CYP2W1: variants seen among roughly 807,000 people sequenced by gnomAD.
The protein encoded by CYP2W1 is cytochrome P450 2W1.
A neutral mutation model predicts 44.9 loss-of-function variants in CYP2W1; 51 were observed. The ratio of observed to expected loss-of-function variants is 1.14; its 90% CI spans 0.91 to 1.43. CYP2W1 has a LOEUF of 1.43. CYP2W1 is among the 40% of genes most tolerant of loss of function. The probability of loss-of-function intolerance (pLI) is 0.00; values close to 1 mark genes in which losing one functional copy is unlikely to be tolerated. For synonymous variants in CYP2W1, 383 were observed against 338.3 expected (o/e 1.13, Z -1.45); for missense variants, 746 against 700.0 (o/e 1.07, Z -0.74).
chr7:987,161 G>A lies in CYP2W1; in HGVS notation c.874G>A (p.Asp292Asn), dbSNP rs1375271589. ...GGCCAACGCGGTGGCCTGCACCCTGGACATGGTCATGGCCGGGACGGAGAC... is the reference window on the plus strand; with the variant it reads ...GGCCAACGCGGTGGCCTGCACCCTGAACATGGTCATGGCCGGGACGGAGAC... The part of the protein sequence containing the change: ...AEANAVACTL[D>N]MVMAGTETTS... Residue 292 changes from aspartate to asparagine, a missense_variant, in exon 6 of 9, where the codon GAC becomes AAC. Transcript: ENST00000308919. 6.3e-6 allele frequency: 10 copies of A among 1,576,396 alleles called. No homozygotes were observed. Among genetic ancestry groups the A allele is most frequent in the Admixed American group, 1.8e-5 (1 of 56,034 alleles).
chr7:987,534 G>T lies in CYP2W1; in HGVS notation c.1143+3G>T. The T allele has an allele frequency of 6.6e-7, 1 of 1,516,752 alleles. No individual in the cohort carries two copies. Among genetic ancestry groups the T allele is most frequent in the Admixed American group, 2.0e-5 (1 of 50,512 alleles). The allele number at this position is 1,516,752 out of a possible 1,614,324, so 94.0% of individuals were successfully genotyped here. A position where few individuals can be genotyped will look rare whatever the true frequency, so the allele number is the denominator to read the frequency against. ...TGGGCGGCTTCCTGCTCCCCAAGGTGGGGCTGGGCCTCCCTTGCCCCTTCC... is the reference window on the plus strand; with the variant it reads ...TGGGCGGCTTCCTGCTCCCCAAGGTTGGGCTGGGCCTCCCTTGCCCCTTCC... On this transcript the variant is annotated splice_donor_region_variant and intron_variant, in intron 7 of 8. Coordinates refer to ENST00000308919, the MANE Select transcript of CYP2W1 (RefSeq NM_017781.3).
At position 983,291 on chromosome 7, in the gene CYP2W1, C is replaced by A; in HGVS notation, c.80C>A (p.Pro27Gln). ...LLCACAQDPS[P>Q]AARWPPGPRP... ...TGCGCCTGCGCCCAAGACCCCTCCC[C>A]AGCTGCCCGGTGGCCCCCGGGGCCT... Residue 27 changes from proline to glutamine, a missense_variant, in exon 1 of 9, where the codon CCA (proline) becomes CAA (glutamine). By Grantham distance (76) the Pro-to-Gln change is moderately conservative. Coordinates refer to ENST00000308919, the MANE Select transcript of CYP2W1 (RefSeq NM_017781.3). 2 of 1,543,702 alleles carry A rather than the reference C, an allele frequency of 1.3e-6. No individual in the cohort carries two copies. The highest frequency in any genetic ancestry group is 2.5e-5 in the East Asian group (1 of 40,798).
rs948201108 is a variant in CYP2W1, at chr7:986,419, C to A, written c.646-205C>A. The A allele has an allele frequency of 1.6e-5, 10 of 616,054 alleles. No individual in the cohort carries two copies. In the Admixed American group the frequency reaches 3.1e-4, roughly 19 times the overall value. 38.2% of individuals were successfully genotyped at this position (616,054 alleles called of 1,614,324 possible). A position where few individuals can be genotyped will look rare whatever the true frequency, so the allele number is the denominator to read the frequency against. On this transcript the variant is annotated intron_variant, in intron 4 of 8. Transcript: ENST00000308919. ...CTGCTGTGCAAACCTGCCTGGCTGT[C>A]CCCTTCCGGGACACGGACAGGGGGT...
intron 1 of CYP2W1, among the ~76,000 whole-genome samples, chr7:984,184 C>G (rs899074114): frequency 6.6e-6 from 1 of 152,228 alleles, no homozygotes; most frequent in Admixed American, 6.5e-5. Context: ...GAAAATCCCA[C>G]AACAGCCATG....
Position 987,240 on chromosome 7 carries a change from T to G in CYP2W1, c.953T>G (p.Val318Gly), listed in dbSNP as rs763609907. 2.0e-6 allele frequency: 3 copies of G among 1,527,326 alleles called. No homozygotes were observed. The highest frequency in any genetic ancestry group is 2.5e-5 in the East Asian group (1 of 40,586). The allele number at this position is 1,527,326 out of a possible 1,614,324, so 94.6% of individuals were successfully genotyped here. A position where few individuals can be genotyped will look rare whatever the true frequency, so the allele number is the denominator to read the frequency against. The change falls in exon 6 of 9, where the codon GTG becomes GGG. Residue 318 changes from valine (V) to glycine (G), a missense_variant. Val to Gly is a moderately radical substitution (Grantham distance 109). Coordinates refer to ENST00000308919, the MANE Select transcript of CYP2W1 (RefSeq NM_017781.3). The stretch of plus-strand genomic sequence containing the variant: ...CTTCTGATGGGCCGGCACCCGGACG[T>G]GCAGGGTGAGACCCCGGCGCCTGGC... ...AALLMGRHPD[V>G]QGRVQEELDR...
chr7:986,708 C>A lies in CYP2W1; in HGVS notation c.730C>A (p.Leu244Met). The A allele has an allele frequency of 6.2e-7, 1 of 1,612,282 alleles. No individual in the cohort carries two copies. The highest frequency in any genetic ancestry group is 8.5e-7 in the Non-Finnish European group (1 of 1,179,702). ...CAAGATCGAGGAGGTCCGTGCCATTCTGAGGACCCTCCTGGAGGCGCGGAG... is the reference window on the plus strand; with the variant it reads ...CAAGATCGAGGAGGTCCGTGCCATTATGAGGACCCTCCTGGAGGCGCGGAG... ...LRKIEEVRAI[L>M]RTLLEARRPH... The change falls in exon 5 of 9, where the codon CTG becomes ATG. Residue 244 changes from leucine (L) to methionine (M), a missense_variant. Transcript: ENST00000308919.
chr7:987,142 C>A lies in CYP2W1; in HGVS notation c.855C>A (p.Asn285Lys). 6.4e-7 allele frequency: 1 copy of A among 1,573,384 alleles called. No individual in the cohort carries two copies. The highest frequency in any genetic ancestry group is 8.6e-7 in the Non-Finnish European group (1 of 1,158,714). ...CCGAGGGCCTGTTTGCTGAGGCCAA[C>A]GCGGTGGCCTGCACCCTGGACATGG... is the stretch of plus-strand genomic sequence containing the variant. Reference protein sequence around the residue: ...DDPEGLFAEANAVACTLDMVM... With the variant: ...DDPEGLFAEAKAVACTLDMVM... The change falls in exon 6 of 9, where the codon AAC becomes AAA. Residue 285 changes from asparagine (N) to lysine (K), a missense_variant. Transcript: ENST00000308919.
chr7:988,926 C>G lies in CYP2W1; in HGVS notation c.*104C>G. ...ACAGCTCGGACTGCTCTGGGAGGGC[C>G]CTGAGGACTCCCACCCTCACCCCCA... On this transcript the variant is annotated 3_prime_UTR_variant, in exon 9 of 9. Coordinates refer to ENST00000308919, the MANE Select transcript of CYP2W1 (RefSeq NM_017781.3). 1.4e-6 allele frequency: 1 copy of G among 714,870 alleles called. No homozygotes were observed. The highest frequency in any genetic ancestry group is 2.3e-6 in the Non-Finnish European group (1 of 440,982). The allele number at this position is 714,870 out of a possible 1,614,324, so 44.3% of individuals were successfully genotyped here.
chr7:984,952 ATC>A lies in CYP2W1; in HGVS notation c.342_343del (p.Phe115LeufsTer30). On this transcript the variant is annotated frameshift_variant, in exon 3 of 9. Coordinates refer to ENST00000308919, the MANE Select transcript of CYP2W1 (RefSeq NM_017781.3). LOFTEE classifies it high-confidence loss of function. The part of the protein sequence containing the change: ...IFQLIQRGGG[I>X]FFSSGARWRA... Reference sequence around the variant, plus strand: ...CCACGCACTGTATCTGCCTACAGGCATCTTCTTCTCATCTGGGGCGCGCTGGA... The same window carrying A: ...CCACGCACTGTATCTGCCTACAGGCATTCTTCTCATCTGGGGCGCGCTGGA... 6.3e-7 allele frequency: 1 copy of A among 1,598,292 alleles called. No individual in the cohort carries two copies. Among genetic ancestry groups the A allele is most frequent in the Non-Finnish European group, 8.5e-7 (1 of 1,176,532 alleles).
Position 989,291 on chromosome 7 carries a change from T to C in CYP2W1, c.*469T>C, listed in dbSNP as rs1021280171. The C allele has an allele frequency of 6.0e-6, 1 of 165,322 alleles. No individual in the cohort carries two copies. Among genetic ancestry groups the C allele is most frequent in the Non-Finnish European group, 1.3e-5 (1 of 76,678 alleles). 10.2% of individuals were successfully genotyped at this position (165,322 alleles called of 1,614,324 possible). A position where few individuals can be genotyped will look rare whatever the true frequency, so the allele number is the denominator to read the frequency against. ...CACTCCATTCCCGCTCCTGGAACAC[T>C]TCCTGCAGCTGTGCCTGGAGGCAGT... On this transcript the variant is annotated 3_prime_UTR_variant, in exon 9 of 9. Transcript: ENST00000308919.
rs565338989 is a variant in CYP2W1 at position 986,867 on chromosome 7, TGG to T, written c.819+73_819+74del. The T allele has an allele frequency of 2.2e-4, 321 of 1,427,684 alleles. 1 individual carries two copies. The highest frequency in any genetic ancestry group is 4.6e-4 in the South Asian group (31 of 67,874). The allele number at this position is 1,427,684 out of a possible 1,614,324, so 88.4% of individuals were successfully genotyped here. A position where few individuals can be genotyped will look rare whatever the true frequency, so the allele number is the denominator to read the frequency against. Reference sequence around the variant, plus strand: ...GAGGGACACCCCAGGGGAGCACGGCTGGGGAGGGGTCCATACCGGTCCTGCAC... The same window carrying T: ...GAGGGACACCCCAGGGGAGCACGGCTGGAGGGGTCCATACCGGTCCTGCAC... On this transcript the variant is annotated intron_variant, in intron 5 of 8. Coordinates refer to ENST00000308919, the MANE Select transcript of CYP2W1 (RefSeq NM_017781.3).
intron 4 of CYP2W1, 89 bp from the exon 5 acceptor site, chr7:986,535 G>T: frequency 6.7e-7 from 1 of 1,499,546 alleles, no homozygotes; most frequent in Non-Finnish European, 9.2e-7. Flanking sequence ...CCCTGGGCGT[G>T]AACACAGCCG....
Position 987,403 on chromosome 7 carries a change from G to A in CYP2W1, c.1015G>A (p.Glu339Lys), listed in dbSNP as rs1401888735. 2 of 1,594,924 alleles carry A rather than the reference G, an allele frequency of 1.3e-6. No homozygotes were observed. Among genetic ancestry groups the A allele is most frequent in the Non-Finnish European group, 8.5e-7 (1 of 1,177,952 alleles). Reference protein sequence around the residue: ...VLGPGRTPRLEDQQALPYTSA... With the variant: ...VLGPGRTPRLKDQQALPYTSA... ...GGGCCCTGGGCGGACTCCCCGGCTGGAGGACCAGCAGGCTCTGCCCTACAC... is the reference window on the plus strand; with the variant it reads ...GGGCCCTGGGCGGACTCCCCGGCTGAAGGACCAGCAGGCTCTGCCCTACAC... Residue 339 changes from glutamate to lysine, a missense_variant, in exon 7 of 9, where the codon GAG becomes AAG. Transcript: ENST00000308919.
chr7:987,212 G>T lies in CYP2W1; in HGVS notation c.925G>T (p.Ala309Ser). ...GACCTCGGCCACGCTGCAGTGGGCCGCACTTCTGATGGGCCGGCACCCGGA... is the reference window on the plus strand; with the variant it reads ...GACCTCGGCCACGCTGCAGTGGGCCTCACTTCTGATGGGCCGGCACCCGGA... Reference protein sequence around the residue: ...ETTSATLQWAALLMGRHPDVQ... With the variant: ...ETTSATLQWASLLMGRHPDVQ... Residue 309 changes from alanine to serine, a missense_variant, in exon 6 of 9, where the codon GCA (alanine) becomes TCA (serine). Ala to Ser is a moderately conservative substitution (Grantham distance 99, BLOSUM62 1). Transcript: ENST00000308919. 6.5e-7 allele frequency: 1 copy of T among 1,544,654 alleles called. No individual in the cohort carries two copies.
chr7:984,003 C>T (rs1298104154), intron 1 of CYP2W1, among the ~76,000 whole-genome samples: 2 of 152,192 alleles, frequency 1.3e-5, no homozygotes, highest in Admixed American at 6.5e-5. Flanking sequence ...TGGGGTGCTG[C>T]TGGCCGGGCT....
chr7:988,880 C>A lies in CYP2W1; in HGVS notation c.*58C>A. 9.1e-7 allele frequency: 1 copy of A among 1,103,032 alleles called. No homozygotes were observed. Among genetic ancestry groups the A allele is most frequent in the Non-Finnish European group, 1.3e-6 (1 of 781,342 alleles). 68.3% of individuals were successfully genotyped at this position (1,103,032 alleles called of 1,614,324 possible). ...CTCCCCTCCCAGCCCTGGGTCCTCC[C>A]ACCCTCTCTCCTCCCACCCCACAGC... On this transcript the variant is annotated 3_prime_UTR_variant, in exon 9 of 9. Transcript: ENST00000308919.
chr7:984,663 T>A, intron 2 of CYP2W1, 89 bp downstream of exon 2: 1 of 1,480,866 alleles, frequency 6.8e-7, no homozygotes, highest in Non-Finnish European at 8.9e-7. Context: ...CGGGAGAGGC[T>A]CCCAGGGTGG....
At chr7:983,522 G>A in intron 1 of CYP2W1, 137 bp downstream of exon 1, 1 of 851,414 alleles carries the variant, frequency 1.2e-6, no homozygotes, top group Non-Finnish European at 1.6e-6. Flanking sequence ...CAGGAGGCCG[G>A]AGGGCCCACC....
chr7:985,158 C>T lies in CYP2W1; in HGVS notation c.488-8C>T. 1.3e-6 allele frequency: 2 copies of T among 1,588,928 alleles called. No homozygotes were observed. The highest frequency in any genetic ancestry group is 2.3e-5 in the East Asian group (1 of 43,970). On this transcript the variant is annotated splice_region_variant and splice_polypyrimidine_tract_variant and intron_variant, in intron 3 of 8. Transcript: ENST00000308919. ...CCTGGACGTGCCTGAGGCCCGTCTC[C>T]CTCGCAGGCCGGCCCTTCCCGCTGG...
Sources: gnomAD v4.1 joint callset for allele counts (sites outside exome capture counted in the v4.1 genomes callset) on GRCh38, gnomAD v4.1.1 for gene constraint, MANE v1.5 for transcripts, NCBI Gene and HGNC (gene_info 2026-07-23, HGNC 2026-07-21) for gene names.